ARHGAP42: variants seen among roughly 807,000 people sequenced by gnomAD.
ARHGAP42 encodes the protein Rho GTPase activating protein 42.
ARHGAP42 carries 63 observed loss-of-function variants against 125.0 expected under a neutral mutation model. That is an observed-to-expected ratio of 0.50 (90% CI 0.41 to 0.62). The LOEUF is 0.62. Among genes scored for constraint, ARHGAP42 ranks in the 20% least tolerant of loss-of-function variants. The pLI, the probability that ARHGAP42 is intolerant of heterozygous loss-of-function variation, is 0.00. For synonymous variants in ARHGAP42, 339 were observed against 351.0 expected (o/e 0.97, Z 0.38); for missense variants, 766 against 1,024.2 (o/e 0.75, Z 3.44).
chr11:100,904,245 C>G (rs1162955123), intron 4 of ARHGAP42, among the ~76,000 whole-genome samples: 1 of 149,590 alleles, frequency 6.7e-6, no homozygotes, highest in Non-Finnish European at 1.5e-5. Flanking sequence ...TTTTTCCTCT[C>G]TCTTTTTTTT....
intron 1 of ARHGAP42, among the ~76,000 whole-genome samples, chr11:100,738,110 G>T (rs1462620196): frequency 6.6e-6 from 1 of 152,154 alleles, no homozygotes; most frequent in Non-Finnish European, 1.5e-5. Context: ...AATATTCAGT[G>T]TAAGAAATGA....
intron 6 of ARHGAP42, 38 bp from the exon 7 acceptor site, chr11:100,933,118 C>T: frequency 7.3e-7 from 1 of 1,363,012 alleles, no homozygotes. Context: ...ATCATTAAAA[C>T]ACATTTTCAT....
At chr11:100,890,793 C>A (rs1866198197) in intron 4 of ARHGAP42, among the ~76,000 whole-genome samples, 1 of 152,116 alleles carries the variant, frequency 6.6e-6, no homozygotes, top group Non-Finnish European at 1.5e-5. Context: ...CTCACATAGT[C>A]CTTATGGCTG....
chr11:100,804,190 A>G (rs1312184856), intron 3 of ARHGAP42, among the ~76,000 whole-genome samples: 2 of 151,998 alleles, frequency 1.3e-5, no homozygotes, highest in African/African-American at 2.4e-5. Flanking sequence ...GGGTCTCACC[A>G]TATTGCATAG....
chr11:100,971,648 T>G (rs2135314443), intron 17 of ARHGAP42, among the ~76,000 whole-genome samples: 1 of 152,324 alleles, frequency 6.6e-6, no homozygotes, highest in Non-Finnish European at 1.5e-5. Flanking sequence ...CCAAGTTTAC[T>G]CCTAATGAGC....
chr11:100,701,084 C>A (rs1861387994), intron 1 of ARHGAP42, among the ~76,000 whole-genome samples: 1 of 151,752 alleles, frequency 6.6e-6, no homozygotes, highest in African/African-American at 2.4e-5. Context: ...TATACATCGC[C>A]ATCATAGCTC....
chr11:100,762,475 C>T (rs1372532195), intron 1 of ARHGAP42, among the ~76,000 whole-genome samples: 3 of 152,172 alleles, frequency 2.0e-5, no homozygotes, highest in African/African-American at 2.4e-5. Context: ...ACTTGATTTC[C>T]ATTTCTGTTA....
Position 100,992,360 on chromosome 11 carries a change from C to A in ARHGAP42, c.*3559C>A, listed in dbSNP as rs963542723. 1.2e-6 allele frequency: 2 copies of A among 1,613,614 alleles called. No homozygotes were observed. The highest frequency in any genetic ancestry group is 1.7e-6 in the Non-Finnish European group (2 of 1,179,736). ...CGGAAATCACATCTCCTGGTCAGGTCACGAAAAAGAACACAGGCTTGACTA... is the reference window on the plus strand; with the variant it reads ...CGGAAATCACATCTCCTGGTCAGGTAACGAAAAAGAACACAGGCTTGACTA... On this transcript the variant is annotated 3_prime_UTR_variant, in exon 24 of 24. Transcript: ENST00000298815.
rs571182772 is a variant in ARHGAP42 at position 100,967,672 on chromosome 11, C to CTA, written c.1550+1906_1550+1907dup. ...ATGTATTTGGGTACTCTGTTATTAG[C>CTA]TATATATATATGTTTATAATTGTTA... On this transcript the variant is annotated intron_variant, in intron 17 of 23. Coordinates refer to ENST00000298815, the MANE Select transcript of ARHGAP42 (RefSeq NM_152432.4). Among the ~76,000 whole-genome samples the CTA allele has an allele frequency of 1.6e-3, 240 of 152,036 alleles. 3 individuals are homozygous for CTA. Among genetic ancestry groups the CTA allele is most frequent in the African/African-American group, 5.1e-3 (211 of 41,480 alleles).
chr11:100,732,118 C>A (rs1022790151), intron 1 of ARHGAP42, among the ~76,000 whole-genome samples: 1 of 151,978 alleles, frequency 6.6e-6, no homozygotes, highest in African/African-American at 2.4e-5. Flanking sequence ...ACCACATGCC[C>A]GGCTAATTTT....
chr11:100,876,153 G>C (rs2135168067), intron 4 of ARHGAP42, among the ~76,000 whole-genome samples: 1 of 152,194 alleles, frequency 6.6e-6, no homozygotes, highest in Non-Finnish European at 1.5e-5. Context: ...TCCTATGTTG[G>C]AAAACCACAG....
chr11:100,754,004 T>G (rs1024194651), intron 1 of ARHGAP42, among the ~76,000 whole-genome samples: 1 of 152,252 alleles, frequency 6.6e-6, no homozygotes, highest in Non-Finnish European at 1.5e-5. Context: ...TATTTTGTCT[T>G]TCCAAGTGGC....
rs542016978 is a variant in ARHGAP42 at position 100,707,087 on chromosome 11, C to T, written c.154+19255C>T. On this transcript the variant is annotated intron_variant, in intron 1 of 23. Transcript: ENST00000298815. ...TTAAACATAGACCAGTATTTCACTC[C>T]TTTTTATTGACAAATGTTTTTCAGA... is the stretch of plus-strand genomic sequence containing the variant. Among the ~76,000 whole-genome samples the T allele has an allele frequency of 5.3e-5, 8 of 152,260 alleles. 1 individual carries two copies. In the East Asian group the frequency reaches 1.5e-3, roughly 29 times the overall value.
intron 1 of ARHGAP42, among the ~76,000 whole-genome samples, chr11:100,748,405 G>A (rs1304202741): frequency 2.0e-5 from 3 of 152,154 alleles, no homozygotes; most frequent in African/African-American, 7.2e-5. Context: ...GTTCCTCGTA[G>A]GTCTGGTTGG....
chr11:100,871,941 C>T (rs898083279), intron 4 of ARHGAP42, among the ~76,000 whole-genome samples: 1 of 152,182 alleles, frequency 6.6e-6, no homozygotes, highest in Non-Finnish European at 1.5e-5. Flanking sequence ...TGAGGTTTCT[C>T]CATGTTGGTC....
intron 4 of ARHGAP42, among the ~76,000 whole-genome samples, chr11:100,888,604 C>T (rs1379240137): frequency 3.3e-5 from 5 of 152,054 alleles, no homozygotes; most frequent in South Asian, 2.1e-4. Context: ...AAACCAATTT[C>T]CCATTTTTAT....
In ARHGAP42 at chr11:100,697,339, C is replaced by T. The variant is rs180679775; in HGVS notation, c.154+9507C>T. 4.8e-3 allele frequency among the ~76,000 whole-genome samples: 724 copies of T among 152,282 alleles called. 8 individuals carry two copies. Among genetic ancestry groups the T allele is most frequent in the African/African-American group, 0.017 (686 of 41,572 alleles). ...CTGGGACTACGGGCGCCCGGCACCACGCCCGGCTGATTTTTTGTATTTTTA... is the reference window on the plus strand; with the variant it reads ...CTGGGACTACGGGCGCCCGGCACCATGCCCGGCTGATTTTTTGTATTTTTA... On this transcript the variant is annotated intron_variant, in intron 1 of 23. Coordinates refer to ENST00000298815, the MANE Select transcript of ARHGAP42 (RefSeq NM_152432.4).
intron 18 of ARHGAP42, among the ~76,000 whole-genome samples, 154 bp from the exon 19 acceptor site, chr11:100,974,305 G>T (rs1445305019): frequency 6.6e-6 from 1 of 152,172 alleles, no homozygotes; most frequent in Non-Finnish European, 1.5e-5. Flanking sequence ...AAAACCCCGT[G>T]AAAGAATACT....
chr11:100,739,058 A>G (rs1862124916), intron 1 of ARHGAP42, among the ~76,000 whole-genome samples: 1 of 152,194 alleles, frequency 6.6e-6, no homozygotes, highest in South Asian at 2.1e-4. Flanking sequence ...ATTTTCCAGA[A>G]TTCTAGGATT....
Sources: allele counts gnomAD v4.1 joint callset (sites outside exome capture counted in the v4.1 genomes callset), GRCh38; gene constraint gnomAD v4.1.1; transcripts MANE v1.5; gene names NCBI Gene and HGNC (gene_info 2026-07-23, HGNC 2026-07-21).